Variants in ADGRL3 observed in about 807,000 individuals in gnomAD.
ADGRL3 encodes the protein adhesion G protein-coupled receptor L3.
A neutral mutation model predicts 153.5 loss-of-function variants in ADGRL3; 62 were observed. The ratio of observed to expected loss-of-function variants is 0.40; its 90% CI spans 0.33 to 0.50. ADGRL3 has a LOEUF of 0.50. Ranked by LOEUF, ADGRL3 falls within the 20% of genes least tolerant of loss-of-function variation. ADGRL3 has a pLI of 0.47. For missense variants in ADGRL3, 1,641 were observed against 1,859.4 expected (o/e 0.88, Z 2.16); for synonymous variants, 710 against 672.5 (o/e 1.06, Z -0.86).
At chr4:62,021,981 C>T (rs1560516773) in intron 21 of ADGRL3, among the ~76,000 whole-genome samples, 1 of 152,178 alleles carries the variant, frequency 6.6e-6, no homozygotes, top group Non-Finnish European at 1.5e-5. Context: ...GTGTCTCTCA[C>T]TCTAAATCAA....
chr4:61,426,185 C>T (rs1359842097), intron 2 of ADGRL3, among the ~76,000 whole-genome samples: 1 of 152,238 alleles, frequency 6.6e-6, no homozygotes, highest in Non-Finnish European at 1.5e-5. Flanking sequence ...AGTTGGTGAC[C>T]AACTAGCCAA....
intron 8 of ADGRL3, 71 bp from the exon 9 acceptor site, chr4:61,813,733 TATATC>T: frequency 3.9e-6 from 6 of 1,544,488 alleles, no homozygotes; most frequent in Non-Finnish European, 5.3e-6. Context: ...GAAATAGTGT[TATATC>T]ATAAAAACAA....
intron 4 of ADGRL3, among the ~76,000 whole-genome samples, chr4:61,547,625 G>A (rs1317854424): frequency 6.6e-6 from 1 of 152,036 alleles, no homozygotes; most frequent in Non-Finnish European, 1.5e-5. Flanking sequence ...TTTCCATGGT[G>A]TATATGTACC....
intron 21 of ADGRL3, among the ~76,000 whole-genome samples, chr4:62,004,874 TTGTC>T (rs933903481): frequency 1.3e-5 from 2 of 152,104 alleles, no homozygotes; most frequent in African/African-American, 4.8e-5. Flanking sequence ...TGAATTTAAT[TTGTC>T]TGTTTTCCCA....
intron 2 of ADGRL3, among the ~76,000 whole-genome samples, chr4:61,398,647 T>C (rs2096895292): frequency 6.6e-6 from 1 of 151,628 alleles, no homozygotes; most frequent in African/African-American, 2.4e-5. Flanking sequence ...CTTCTGTTTT[T>C]TTATCCTCCC....
chr4:61,760,795 G>C (rs546226718), intron 8 of ADGRL3, among the ~76,000 whole-genome samples: 1 of 152,242 alleles, frequency 6.6e-6, no homozygotes, highest in African/African-American at 2.4e-5. Context: ...GGCCATCTTG[G>C]CTCCACCCTC....
chr4:61,966,298 C>CTAT (rs1451877556), intron 17 of ADGRL3, among the ~76,000 whole-genome samples: 1 of 152,084 alleles, frequency 6.6e-6, no homozygotes, highest in African/African-American at 2.4e-5. Context: ...CATGCAGTGT[C>CTAT]TATTATATGG....
intron 2 of ADGRL3, among the ~76,000 whole-genome samples, chr4:61,417,569 G>A (rs576947105): frequency 1.6e-3 from 236 of 150,696 alleles, no homozygotes; most frequent in African/African-American, 4.5e-3. Flanking sequence ...GTGAAGCACT[G>A]GTTTCGAAAA....
intron 6 of ADGRL3, among the ~76,000 whole-genome samples, chr4:61,721,874 T>G (rs2096249214): frequency 6.6e-6 from 1 of 152,192 alleles, no homozygotes; most frequent in South Asian, 2.1e-4. Flanking sequence ...CAAATATGAA[T>G]AGAAATTTGA....
chr4:61,441,797 C>A, intron 2 of ADGRL3, among the ~76,000 whole-genome samples: 1 of 152,128 alleles, frequency 6.6e-6, no homozygotes, highest in Admixed American at 6.5e-5. Flanking sequence ...ATTGAATATG[C>A]TTTCTTTCTA....
chr4:61,576,535 C>A (rs980953374), intron 4 of ADGRL3, among the ~76,000 whole-genome samples: 1 of 148,532 alleles, frequency 6.7e-6, no homozygotes, highest in Non-Finnish European at 1.5e-5. Flanking sequence ...CCTCATTTAC[C>A]GATATAACAA....
At position 61,326,599 on chromosome 4, in the gene ADGRL3, A is replaced by ATGTGTGTGTGTGTG. The variant is rs34387631; in HGVS notation, c.-239-56503_-239-56490dup. Among the ~76,000 whole-genome samples, 718 of 140,714 alleles carry ATGTGTGTGTGTGTG rather than the reference A, an allele frequency of 5.1e-3. 12 individuals carry two copies. Among genetic ancestry groups the ATGTGTGTGTGTGTG allele is most frequent in the African/African-American group, 0.018 (679 of 38,242 alleles). 92.3% of individuals were successfully genotyped at this position (140,714 alleles called of 152,430 possible). A position where few individuals can be genotyped will look rare whatever the true frequency, so the allele number is the denominator to read the frequency against. On this transcript the variant is annotated intron_variant, in intron 1 of 26. Transcript: ENST00000683033. The stretch of plus-strand genomic sequence containing the variant: ...TCCAGCTAGCCAGTTATGCCAGATA[A>ATGTGTGTGTGTGTG]TGTGTGTGTGTGTGTGTGTGTGTGT...
chr4:62,073,840 G>A lies in ADGRL3; in HGVS notation c.*2932G>A, dbSNP rs1210293888. On this transcript the variant is annotated 3_prime_UTR_variant, in exon 27 of 27. Transcript: ENST00000683033. ...GAACTCTATACATCATAAATGGCAT[G>A]CTTTCAGAGAGACTTAAGATCCCAA... is the stretch of plus-strand genomic sequence containing the variant. The A allele has an allele frequency of 1.3e-5, 2 of 151,964 alleles. No homozygotes were observed. Among genetic ancestry groups the A allele is most frequent in the Non-Finnish European group, 2.9e-5 (2 of 67,960 alleles). 9.4% of individuals were successfully genotyped at this position (151,964 alleles called of 1,614,324 possible). A position where few individuals can be genotyped will look rare whatever the true frequency, so the allele number is the denominator to read the frequency against.
intron 1 of ADGRL3, among the ~76,000 whole-genome samples, chr4:61,301,420 G>T (rs983328788): frequency 3.3e-5 from 5 of 152,180 alleles, no homozygotes; most frequent in Admixed American, 2.6e-4. Context: ...CTTTTTCACA[G>T]GATCATATTA....
At chr4:61,635,887 A>G (rs531001175) in intron 5 of ADGRL3, among the ~76,000 whole-genome samples, 1 of 152,138 alleles carries the variant, frequency 6.6e-6, no homozygotes, top group East Asian at 1.9e-4. Flanking sequence ...TTCAAAGGAC[A>G]CCAATTGTAT....
intron 6 of ADGRL3, chr4:61,677,479 A>G: frequency 7.6e-6 from 2 of 262,076 alleles, no homozygotes; most frequent in South Asian, 7.8e-5. Context: ...ATGTCTTTGC[A>G]ATGTTTTTAT....
intron 1 of ADGRL3, among the ~76,000 whole-genome samples, chr4:61,222,257 C>T (rs1013113243): frequency 6.6e-6 from 1 of 151,952 alleles, no homozygotes; most frequent in African/African-American, 2.4e-5. Flanking sequence ...TCTTTTAAAT[C>T]TGTTGTAATT....
chr4:61,397,379 C>T (rs1268709953), intron 2 of ADGRL3, among the ~76,000 whole-genome samples: 1 of 151,848 alleles, frequency 6.6e-6, no homozygotes, highest in African/African-American at 2.4e-5. Flanking sequence ...TGTGTTCTAT[C>T]CAGCCTTAAA....
intron 26 of ADGRL3, 91 bp from the exon 27 acceptor site, chr4:62,070,018 A>G (rs1262290166): frequency 2.0e-6 from 2 of 1,007,248 alleles, no homozygotes; most frequent in Non-Finnish European, 1.5e-6. Flanking sequence ...TACATATTTC[A>G]TAGTCAATGA....
Sources: allele counts gnomAD v4.1 joint callset (sites outside exome capture counted in the v4.1 genomes callset), GRCh38; gene constraint gnomAD v4.1.1; transcripts MANE v1.5; gene names NCBI Gene and HGNC (gene_info 2026-07-23, HGNC 2026-07-21).